Variants in TENM2 observed in about 807,000 individuals in gnomAD.
The protein encoded by TENM2 is teneurin-2.
TENM2 carries 52 observed loss-of-function variants against 245.2 expected under a neutral mutation model. The ratio of observed to expected loss-of-function variants is 0.21; its 90% CI spans 0.17 to 0.27. The LOEUF is 0.27. TENM2 is among the 10% of genes least tolerant of loss of function. TENM2 has a pLI of 1.00. For synonymous variants in TENM2, 1,363 were observed against 1,438.9 expected (o/e 0.95, Z 1.19); for missense variants, 3,046 against 3,666.8 (o/e 0.83, Z 4.37).
chr5:168,176,696 T>A (rs1304044458), intron 13 of TENM2, among the ~76,000 whole-genome samples: 1 of 152,152 alleles, frequency 6.6e-6, no homozygotes, highest in Non-Finnish European at 1.5e-5. Context: ...AATCACAGGG[T>A]CCTTGTCTGC....
intron 3 of TENM2, among the ~76,000 whole-genome samples, chr5:167,920,816 C>A (rs2151635187): frequency 6.6e-6 from 1 of 152,212 alleles, no homozygotes; most frequent in East Asian, 1.9e-4. Flanking sequence ...AAGCAAACAG[C>A]CCAGAGGAGC....
the TENM2 span, among the ~76,000 whole-genome samples, chr5:167,277,062 A>C: frequency 1.3e-5 from 2 of 151,958 alleles, no homozygotes; most frequent in Non-Finnish European, 2.9e-5. Flanking sequence ...CAAGGAAACA[A>C]CTTTTTAATT....
intron 2 of TENM2, chr5:167,653,248 A>T (rs1020757236): frequency 1.3e-5 from 2 of 152,026 alleles, no homozygotes; most frequent in African/African-American, 2.4e-5. Flanking sequence ...GTAATTTTAT[A>T]TATTTATTTC....
intron 25 of TENM2, chr5:168,229,975 G>A (rs528181052): frequency 5.3e-5 from 8 of 152,290 alleles, no homozygotes; most frequent in Admixed American, 1.3e-4. Flanking sequence ...AGTAGTAATC[G>A]TGCCTTTTCT....
upstream of TENM2, chr5:167,284,787 A>T (rs1771241124): frequency 3.4e-6 from 5 of 1,449,676 alleles, no homozygotes; most frequent in Non-Finnish European, 4.7e-6. Context: ...AAGTGCCAAA[A>T]CTCAGGCCTG....
At chr5:168,051,053 A>G (rs912452248) in intron 6 of TENM2, among the ~76,000 whole-genome samples, 3 of 152,238 alleles carry the variant, frequency 2.0e-5, no homozygotes, top group Non-Finnish European at 4.4e-5. Flanking sequence ...AGACGATTCA[A>G]TACAGTATTC....
chr5:167,915,868 T>C (rs1392098270), intron 3 of TENM2, among the ~76,000 whole-genome samples: 1 of 152,202 alleles, frequency 6.6e-6, no homozygotes, highest in African/African-American at 2.4e-5. Context: ...TAAGTAATCT[T>C]GTCCATGCAA....
intron 9 of TENM2, among the ~76,000 whole-genome samples, chr5:168,116,848 G>A (rs1795119908): frequency 6.6e-6 from 1 of 152,154 alleles, no homozygotes. Context: ...GCTCACCCGG[G>A]TTGTAGATGT....
At chr5:168,231,780 C>CAA (rs144113234) in intron 25 of TENM2, among the ~76,000 whole-genome samples, 5 of 134,104 alleles carry the variant, frequency 3.7e-5, no homozygotes, top group East Asian at 4.3e-4. Context: ...CAACAACAAC[C>CAA]AAAAAAAAAA....
At chr5:167,572,796 A>G (rs1774362412) in intron 2 of TENM2, among the ~76,000 whole-genome samples, 1 of 152,204 alleles carries the variant, frequency 6.6e-6, no homozygotes, top group African/African-American at 2.4e-5. Context: ...ATGGTACAGG[A>G]AGGGAGAAGG....
In TENM2 at chr5:167,655,739, T is replaced by C. The variant is rs189233534; in HGVS notation, c.503-220247T>C. Among the ~76,000 whole-genome samples, 237 of 152,338 alleles carry C rather than the reference T, an allele frequency of 1.6e-3. 1 individual carries two copies. Among genetic ancestry groups the C allele is most frequent in the Non-Finnish European group, 2.7e-3 (184 of 68,016 alleles). On this transcript the variant is annotated intron_variant, in intron 2 of 28. Transcript: ENST00000518659. ...CTATTTGGCTAATCAAAGTATATGA[T>C]GGTGTCATCTATCAGCAAACAAATT...
intron 1 of TENM2, among the ~76,000 whole-genome samples, chr5:167,291,059 C>T (rs892665896): frequency 1.3e-5 from 2 of 152,116 alleles, no homozygotes; most frequent in African/African-American, 4.8e-5. Context: ...AGCCATTTGG[C>T]AACTATCTTC....
chr5:167,309,252 G>T (rs1238090444), intron 1 of TENM2, among the ~76,000 whole-genome samples: 1 of 152,118 alleles, frequency 6.6e-6, no homozygotes, highest in East Asian at 1.9e-4. Context: ...CCCTTTCTCT[G>T]ACCCCACTGG....
At chr5:167,081,763 G>A in the TENM2 span, among the ~76,000 whole-genome samples, 2 of 152,210 alleles carry the variant, frequency 1.3e-5, no homozygotes, top group Admixed American at 6.6e-5. Context: ...TCACTTCAGA[G>A]ATGATATTAG....
intron 1 of TENM2, among the ~76,000 whole-genome samples, chr5:167,357,705 C>T (rs1023904638): frequency 8.5e-5 from 13 of 152,196 alleles, no homozygotes; most frequent in East Asian, 5.8e-4. Flanking sequence ...TATGTGTGTA[C>T]GATAATAAAT....
chr5:167,437,651 A>G (rs1182660060), intron 2 of TENM2, among the ~76,000 whole-genome samples: 1 of 152,116 alleles, frequency 6.6e-6, no homozygotes, highest in Non-Finnish European at 1.5e-5. Flanking sequence ...AACTCCCACA[A>G]TTCCCCCATG....
At chr5:167,433,397 G>C (rs879662915) in intron 2 of TENM2, among the ~76,000 whole-genome samples, 9 of 152,098 alleles carry the variant, frequency 5.9e-5, no homozygotes, top group Non-Finnish European at 1.2e-4. Flanking sequence ...TCAGAACTTA[G>C]ACTTGAGAAG....
At chr5:167,077,560 A>G in the TENM2 span, among the ~76,000 whole-genome samples, 1 of 152,246 alleles carries the variant, frequency 6.6e-6, no homozygotes, top group Non-Finnish European at 1.5e-5. Flanking sequence ...GACATACATT[A>G]TCATAAAGAA....
At chr5:168,176,077 G>C (rs1759330352) in intron 13 of TENM2, among the ~76,000 whole-genome samples, 1 of 152,182 alleles carries the variant, frequency 6.6e-6, no homozygotes, top group Non-Finnish European at 1.5e-5. Flanking sequence ...TAATCCTTAA[G>C]GCCATGATTT....
Sources: gnomAD v4.1 joint callset for allele counts (sites outside exome capture counted in the v4.1 genomes callset) on GRCh38, gnomAD v4.1.1 for gene constraint, MANE v1.5 for transcripts, NCBI Gene and HGNC (gene_info 2026-07-23, HGNC 2026-07-21) for gene names.